Variants in CCNY observed in about 807,000 individuals in gnomAD.
The protein encoded by CCNY is cyclin Y.
A neutral mutation model predicts 42.8 loss-of-function variants in CCNY; 19 were observed. The observed-to-expected ratio is 0.44, with a 90% CI of 0.31 to 0.65. CCNY has a LOEUF of 0.65. Among genes scored for constraint, CCNY ranks in the 30% least tolerant of loss-of-function variants. CCNY has a pLI of 0.07. For missense variants in CCNY, 370 were observed against 437.3 expected, an observed-to-expected ratio of 0.85 and a Z score of 1.37; for synonymous variants, 165 against 162.7, an observed-to-expected ratio of 1.01 and a Z score of -0.11.
intron 1 of CCNY, among the ~76,000 whole-genome samples, chr10:35,363,623 G>A (rs1353695725): frequency 1.3e-5 from 2 of 152,198 alleles, no homozygotes; most frequent in African/African-American, 2.4e-5. Flanking sequence ...CTGTGTAGTG[G>A]GGTTATTGGA....
chr10:35,298,452 G>A (rs1190080540), intron 3 of CCNY, among the ~76,000 whole-genome samples: 2 of 152,084 alleles, frequency 1.3e-5, no homozygotes, highest in African/African-American at 4.8e-5. Flanking sequence ...ATGTTTCAGG[G>A]ATTTATCAAT....
At chr10:35,334,007 A>G (rs1835977646), upstream of CCNY, among the ~76,000 whole-genome samples, 2 of 135,696 alleles carry the variant, frequency 1.5e-5, no homozygotes, top group Admixed American at 1.7e-4. Context: ...CCTAAGGGGA[A>G]TATGGTGGAA....
At chr10:35,281,231 A>G (rs1004383437) in intron 3 of CCNY, among the ~76,000 whole-genome samples, 2 of 152,202 alleles carry the variant, frequency 1.3e-5, no homozygotes, top group African/African-American at 4.8e-5. Context: ...CTAGGTATGC[A>G]CCCAAAAGAA....
At position 35,337,009 on chromosome 10, in the gene CCNY, G is replaced by T. The variant is rs775616024; in HGVS notation, c.-45G>T. The T allele has an allele frequency of 2.9e-6, 4 of 1,389,458 alleles. No individual in the cohort carries two copies. Among genetic ancestry groups the T allele is most frequent in the Non-Finnish European group, 3.8e-6 (4 of 1,051,666 alleles). The allele number at this position is 1,389,458 out of a possible 1,614,324, so 86.1% of individuals were successfully genotyped here. ...CGTCCACCCGCGCCCCGCTCCCGGG[G>T]ACTGGGAGAACAGGATAGCAGCAGG... On this transcript the variant is annotated 5_prime_UTR_variant, in exon 1 of 10. Coordinates refer to ENST00000374704, the MANE Select transcript of CCNY (RefSeq NM_145012.6).
At chr10:35,274,352 A>G (rs1216048088) in intron 3 of CCNY, among the ~76,000 whole-genome samples, 1 of 152,218 alleles carries the variant, frequency 6.6e-6, no homozygotes, top group Admixed American at 6.5e-5. Flanking sequence ...TATGGGAGCT[A>G]CAATGCAAGA....
chr10:35,362,993 G>C (rs1047527019), intron 1 of CCNY, among the ~76,000 whole-genome samples: 1 of 151,234 alleles, frequency 6.6e-6, no homozygotes, highest in East Asian at 2.0e-4. Context: ...GGCGGCGGCC[G>C]GGCGGAGACG....
At chr10:35,281,210 C>G (rs953017445) in intron 3 of CCNY, among the ~76,000 whole-genome samples, 1 of 152,154 alleles carries the variant, frequency 6.6e-6, no homozygotes, top group Non-Finnish European at 1.5e-5. Flanking sequence ...TTTGACCCAC[C>G]AATTTCACTC....
chr10:35,396,157 ATTGT>A (rs1837520668), intron 1 of CCNY, among the ~76,000 whole-genome samples: 2 of 152,244 alleles, frequency 1.3e-5, no homozygotes, highest in Non-Finnish European at 2.9e-5. Context: ...AGCAATGAAG[ATTGT>A]TTGTGAAAAT....
At chr10:35,309,605 G>A (rs1237739160) in intron 3 of CCNY, among the ~76,000 whole-genome samples, 1 of 151,882 alleles carries the variant, frequency 6.6e-6, no homozygotes, top group African/African-American at 2.4e-5. Context: ...ATTTTCTGTA[G>A]AGATGAGGTC....
rs181338903 is a variant in CCNY, at chr10:35,545,239, T to C, written c.580-7780T>C. Among the ~76,000 whole-genome samples, 1,030 of 152,308 alleles carry C rather than the reference T, an allele frequency of 6.8e-3. 11 individuals carry two copies. Among genetic ancestry groups the C allele is most frequent in the African/African-American group, 0.024 (983 of 41,558 alleles). ...TGTGGATTGCCAGCTTTGCTTCAGGTGGGAGGGAGCCGTCAAGGTCTTTAG... is the reference window on the plus strand; with the variant it reads ...TGTGGATTGCCAGCTTTGCTTCAGGCGGGAGGGAGCCGTCAAGGTCTTTAG... On this transcript the variant is annotated intron_variant, in intron 7 of 9. Transcript: ENST00000374704.
intron 3 of CCNY, among the ~76,000 whole-genome samples, chr10:35,271,504 G>T (rs1835169189): frequency 6.6e-6 from 1 of 152,140 alleles, no homozygotes; most frequent in Admixed American, 6.5e-5. Context: ...AAATACCCGA[G>T]CATTCTGTTC....
intron 1 of CCNY, 33 bp downstream of exon 1, chr10:35,337,240 C>T (rs1405140420): frequency 2.0e-6 from 3 of 1,467,760 alleles, no homozygotes; most frequent in East Asian, 2.9e-5. Context: ...CCTACCCGCC[C>T]CCGCGGCAAC....
chr10:35,439,043 C>G (rs1011334639), intron 1 of CCNY, among the ~76,000 whole-genome samples: 1 of 152,036 alleles, frequency 6.6e-6, no homozygotes, highest in Admixed American at 6.6e-5. Flanking sequence ...ATTGTTTTTT[C>G]CTTATAGGTA....
chr10:35,274,613 G>C (rs904682902), intron 3 of CCNY, among the ~76,000 whole-genome samples: 1 of 152,144 alleles, frequency 6.6e-6, no homozygotes, highest in Non-Finnish European at 1.5e-5. Context: ...CATCAACATA[G>C]AGGACCAATG....
At chr10:35,511,388 AG>A (rs1308947301) in intron 3 of CCNY, among the ~76,000 whole-genome samples, 7 of 152,160 alleles carry the variant, frequency 4.6e-5, no homozygotes, top group African/African-American at 1.7e-4. Context: ...GAACACACAG[AG>A]GGGTACCCAG....
chr10:35,383,381 C>T (rs988089412), intron 1 of CCNY, among the ~76,000 whole-genome samples: 8 of 151,772 alleles, frequency 5.3e-5, no homozygotes, highest in Non-Finnish European at 7.4e-5. Flanking sequence ...AATCTCGGCT[C>T]ACTGCAACCT....
chr10:35,341,437 A>G (rs1355030071), intron 1 of CCNY, among the ~76,000 whole-genome samples: 1 of 152,202 alleles, frequency 6.6e-6, no homozygotes, highest in Non-Finnish European at 1.5e-5. Flanking sequence ...ATTCCTTAAC[A>G]CTTTATGATA....
intron 3 of CCNY, among the ~76,000 whole-genome samples, chr10:35,509,089 C>G (rs541721497): frequency 2.2e-4 from 33 of 152,262 alleles, no homozygotes; most frequent in African/African-American, 6.5e-4. Context: ...AAATACATTT[C>G]TACAGAGCAG....
At chr10:35,382,234 C>T (rs1027225727) in intron 1 of CCNY, among the ~76,000 whole-genome samples, 1 of 152,192 alleles carries the variant, frequency 6.6e-6, no homozygotes, top group African/African-American at 2.4e-5. Context: ...TGAAGGATTA[C>T]TCTGTGTCTG....
Sources: allele counts gnomAD v4.1 joint callset (sites outside exome capture counted in the v4.1 genomes callset), GRCh38; gene constraint gnomAD v4.1.1; transcripts MANE v1.5; gene names NCBI Gene and HGNC (gene_info 2026-07-23, HGNC 2026-07-21).